SMURF2: variants seen among roughly 807,000 people sequenced by gnomAD.
SMURF2 encodes SMAD specific E3 ubiquitin protein ligase 2, also known as E3 ubiquitin-protein ligase SMURF2.
In SMURF2, 48 loss-of-function variants were observed where a neutral mutation model predicts 109.6. That is an observed-to-expected ratio of 0.44 (90% CI 0.35 to 0.56). The LOEUF (loss-of-function observed/expected upper bound fraction) is 0.56, where lower values mean the gene tolerates loss of function less well. Among genes scored for constraint, SMURF2 ranks in the 20% least tolerant of loss-of-function variants. The pLI, the probability that SMURF2 is intolerant of heterozygous loss-of-function variation, is 0.01. For synonymous variants in SMURF2, 288 were observed against 317.1 expected (o/e 0.91, Z 0.97); for missense variants, 575 against 909.0 (o/e 0.63, Z 4.72).
intron 9 of SMURF2, among the ~76,000 whole-genome samples, chr17:64,576,087 C>G (rs1485987546): frequency 6.6e-6 from 1 of 151,846 alleles, no homozygotes; most frequent in Non-Finnish European, 1.5e-5. Flanking sequence ...TGCCTGTAGT[C>G]CCAGCTATTC....
rs531441420 is a variant in SMURF2, at chr17:64,655,353, G to A, written c.52+6476C>T. Among the ~76,000 whole-genome samples the A allele has an allele frequency of 3.4e-5, 5 of 146,658 alleles. No homozygotes were observed. In the Admixed American group the frequency reaches 3.5e-4, roughly 10 times the overall value. Reference sequence around the variant, plus strand: ...CTCGCCTGCAACCTCCACCTCCCAGGTTCAAGCGATTCTTGTGACTCAGCC... The same window carrying A: ...CTCGCCTGCAACCTCCACCTCCCAGATTCAAGCGATTCTTGTGACTCAGCC... On this transcript the variant is annotated intron_variant, in intron 1 of 18. Transcript: ENST00000262435.
intron 2 of SMURF2, among the ~76,000 whole-genome samples, chr17:64,601,836 G>C (rs1332459233): frequency 2.0e-5 from 3 of 147,150 alleles, no homozygotes; most frequent in Non-Finnish European, 4.5e-5. Context: ...AAGAAATGTG[G>C]TGTGTGTGTG....
At chr17:64,640,475 A>G (rs1330330892) in intron 1 of SMURF2, among the ~76,000 whole-genome samples, 3 of 152,236 alleles carry the variant, frequency 2.0e-5, no homozygotes, top group Non-Finnish European at 4.4e-5. Context: ...GGCAGATTAT[A>G]TAAGGTCTTG....
At chr17:64,600,633 G>T (rs1187207514) in intron 2 of SMURF2, among the ~76,000 whole-genome samples, 1 of 152,068 alleles carries the variant, frequency 6.6e-6, no homozygotes, top group South Asian at 2.1e-4. Flanking sequence ...GGTAAGTTAG[G>T]GTATTAAATC....
rs191838262 is a variant in SMURF2, at chr17:64,632,379, C to T, written c.53-25739G>A. Among the ~76,000 whole-genome samples, 229 of 152,244 alleles carry T rather than the reference C, an allele frequency of 1.5e-3. 1 individual carries two copies. The highest frequency in any genetic ancestry group is 5.4e-3 in the South Asian group (26 of 4,816). On this transcript the variant is annotated intron_variant, in intron 1 of 18. Coordinates refer to ENST00000262435, the MANE Select transcript of SMURF2 (RefSeq NM_022739.4). ...TCCGGAGCTAGACTGGCCAAAGTGT[C>T]GTGCAATCCACACCACATGGTTAAT...
At chr17:64,618,157 G>T (rs1970150688) in intron 1 of SMURF2, among the ~76,000 whole-genome samples, 1 of 152,182 alleles carries the variant, frequency 6.6e-6, no homozygotes, top group Non-Finnish European at 1.5e-5. Flanking sequence ...AAAGGGCTGG[G>T]TGCGGTGGCT....
At chr17:64,610,134 T>C (rs1555689388) in intron 1 of SMURF2, among the ~76,000 whole-genome samples, 2 of 152,092 alleles carry the variant, frequency 1.3e-5, no homozygotes, top group East Asian at 1.9e-4. Context: ...TGTGGAGAAA[T>C]AGGAATGCTT....
chr17:64,622,513 T>G (rs1970219728), intron 1 of SMURF2, among the ~76,000 whole-genome samples: 1 of 152,242 alleles, frequency 6.6e-6, no homozygotes, highest in African/African-American at 2.4e-5. Context: ...TTGTTATTTA[T>G]GGCCTTGATG....
At chr17:64,614,873 A>G (rs1970100269) in intron 1 of SMURF2, among the ~76,000 whole-genome samples, 1 of 152,218 alleles carries the variant, frequency 6.6e-6, no homozygotes, top group Non-Finnish European at 1.5e-5. Context: ...CATGTCATAA[A>G]TGCCTTTTAT....
At chr17:64,567,423 T>C (rs1555685127) in intron 10 of SMURF2, among the ~76,000 whole-genome samples, 1 of 152,236 alleles carries the variant, frequency 6.6e-6, no homozygotes, top group African/African-American at 2.4e-5. Context: ...ACATTTCTAA[T>C]CATCCCACCT....
intron 2 of SMURF2, among the ~76,000 whole-genome samples, chr17:64,599,479 C>T (rs748417738): frequency 3.3e-5 from 5 of 152,188 alleles, no homozygotes; most frequent in Non-Finnish European, 5.9e-5. Context: ...GGCTTTAAGG[C>T]AGGCGTCTCC....
intron 1 of SMURF2, among the ~76,000 whole-genome samples, chr17:64,610,958 T>C (rs1555689522): frequency 6.6e-6 from 1 of 152,118 alleles, no homozygotes; most frequent in African/African-American, 2.4e-5. Context: ...TCATGGGCAT[T>C]TGCCACTGCT....
chr17:64,637,440 C>T (rs1437374710), intron 1 of SMURF2, among the ~76,000 whole-genome samples: 1 of 151,902 alleles, frequency 6.6e-6, no homozygotes, highest in Non-Finnish European at 1.5e-5. Flanking sequence ...ATCTAAGAGT[C>T]TTATGGCTTG....
chr17:64,583,735 G>A (rs782162829), intron 6 of SMURF2, among the ~76,000 whole-genome samples, 191 bp from the exon 7 acceptor site: 4 of 152,146 alleles, frequency 2.6e-5, no homozygotes, highest in South Asian at 2.1e-4. Context: ...AGCTTCTAAA[G>A]TATTTATGCT....
intron 9 of SMURF2, among the ~76,000 whole-genome samples, chr17:64,573,332 CAG>C (rs1439787835): frequency 2.0e-5 from 3 of 149,488 alleles, no homozygotes; most frequent in East Asian, 3.9e-4. Context: ...TAAATTGTAA[CAG>C]ATAATTATAA....
intron 1 of SMURF2, among the ~76,000 whole-genome samples, chr17:64,614,817 T>C (rs1262501014): frequency 1.3e-5 from 2 of 152,210 alleles, no homozygotes; most frequent in African/African-American, 2.4e-5. Context: ...AAATAAGACA[T>C]AGTCCTTTGC....
intron 2 of SMURF2, among the ~76,000 whole-genome samples, chr17:64,599,123 A>G (rs567843463): frequency 4.1e-4 from 63 of 152,354 alleles, no homozygotes; most frequent in Middle Eastern, 3.4e-3. Flanking sequence ...TTATATCACT[A>G]TGTTAGGTAC....
chr17:64,607,272 T>G (rs2073682441), intron 1 of SMURF2, among the ~76,000 whole-genome samples: 1 of 152,196 alleles, frequency 6.6e-6, no homozygotes, highest in South Asian at 2.1e-4. Flanking sequence ...TTAAATTACT[T>G]ACACGGATGG....
chr17:64,629,760 A>T (rs911729476), intron 1 of SMURF2, among the ~76,000 whole-genome samples: 25 of 152,346 alleles, frequency 1.6e-4, no homozygotes, highest in Non-Finnish European at 3.2e-4. Flanking sequence ...ATCTACATGA[A>T]TTACAACAGA....
Sources: gnomAD v4.1 joint callset for allele counts (sites outside exome capture counted in the v4.1 genomes callset) on GRCh38, gnomAD v4.1.1 for gene constraint, MANE v1.5 for transcripts, NCBI Gene and HGNC (gene_info 2026-07-23, HGNC 2026-07-21) for gene names.